ATP10D: variants seen among roughly 807,000 people sequenced by gnomAD.
ATP10D encodes phospholipid-transporting ATPase VD.
ATP10D carries 89 observed loss-of-function variants against 144.8 expected under a neutral mutation model. The observed-to-expected ratio is 0.61, with a 90% CI of 0.52 to 0.73. ATP10D has a LOEUF of 0.73. Ranked by LOEUF, ATP10D falls within the 30% of genes least tolerant of loss-of-function variation. The pLI is 0.00. For missense variants in ATP10D, 1,603 were observed against 1,714.8 expected (o/e 0.93, Z 1.15); for synonymous variants, 571 against 615.1 (o/e 0.93, Z 1.06).
rs1169829603 is a variant in ATP10D, at chr4:47,593,432, A to G, written c.*2051A>G. The G allele has an allele frequency of 6.6e-6, 1 of 152,102 alleles. No individual in the cohort carries two copies. The highest frequency in any genetic ancestry group is 1.5e-5 in the Non-Finnish European group (1 of 67,984). 9.4% of individuals were successfully genotyped at this position (152,102 alleles called of 1,614,324 possible). A position where few individuals can be genotyped will look rare whatever the true frequency, so the allele number is the denominator to read the frequency against. On this transcript the variant is annotated 3_prime_UTR_variant, in exon 23 of 23. Transcript: ENST00000273859. ...ATTTCATTACTGAATGCTAAACTGT[A>G]TTTCTTTTTAAAATTTGGAAAATTT... is the stretch of plus-strand genomic sequence containing the variant.
chr4:47,557,803 C>A lies in ATP10D; in HGVS notation c.1964C>A (p.Ala655Asp). The change falls in exon 12 of 23, where the codon GCC becomes GAC. Residue 655 changes from alanine (A) to aspartate (D), a missense_variant. Transcript: ENST00000273859. ...GAGCCATCTTCTGGAGTTCCAAACG[C>A]CTTTGTGAGCAGACTCCCTCTCTTT... ...GKEPSSGVPN[A>D]FVSRLPLFSR... 6.2e-7 allele frequency: 1 copy of A among 1,614,208 alleles called. No individual in the cohort carries two copies. Among genetic ancestry groups the A allele is most frequent in the Admixed American group, 1.7e-5 (1 of 60,020 alleles).
At position 47,536,963 on chromosome 4, in the gene ATP10D, C is replaced by A. The variant is rs139561442; in HGVS notation, c.1396+25C>A. ...GGTGAGTGTTGGATTTCCGTGAAAACCAACCTTAGCATTGGTCTTTTTTTG... is the reference window on the plus strand; with the variant it reads ...GGTGAGTGTTGGATTTCCGTGAAAAACAACCTTAGCATTGGTCTTTTTTTG... On this transcript the variant is annotated intron_variant, in intron 9 of 22. Coordinates refer to ENST00000273859, the MANE Select transcript of ATP10D (RefSeq NM_020453.4). 5.1e-6 allele frequency: 8 copies of A among 1,584,000 alleles called. No individual in the cohort carries two copies. The African/African-American group carries it at 9.5e-5, about 19-fold the overall frequency.
At chr4:47,545,654 CGTTAA>C (rs1718376754) in intron 9 of ATP10D, among the ~76,000 whole-genome samples, 1 of 152,162 alleles carries the variant, frequency 6.6e-6, no homozygotes, top group Non-Finnish European at 1.5e-5. Flanking sequence ...CTGTGTAAGT[CGTTAA>C]GTTTGATTTA....
chr4:47,572,023 A>G (rs1367281694), intron 16 of ATP10D, 131 bp from the exon 17 acceptor site: 12 of 815,976 alleles, frequency 1.5e-5, no homozygotes, highest in South Asian at 3.4e-5. Flanking sequence ...ACTTACTTCC[A>G]GGAAACTTGG....
At chr4:47,505,317 T>A (rs1560412824) in intron 1 of ATP10D, among the ~76,000 whole-genome samples, 1 of 152,192 alleles carries the variant, frequency 6.6e-6, no homozygotes, top group Non-Finnish European at 1.5e-5. Flanking sequence ...CATAGAGTAG[T>A]GATTCTCAGG....
intron 1 of ATP10D, among the ~76,000 whole-genome samples, chr4:47,504,712 G>A (rs1374211123): frequency 5.9e-5 from 9 of 152,102 alleles, no homozygotes; most frequent in East Asian, 1.9e-4. Flanking sequence ...ACAGGCGCCC[G>A]CCACCACGCC....
At chr4:47,575,117 G>A (rs1047985827) in intron 18 of ATP10D, among the ~76,000 whole-genome samples, 12 of 152,156 alleles carry the variant, frequency 7.9e-5, no homozygotes, top group African/African-American at 2.4e-4. Context: ...GCATCCGGCC[G>A]ATGATGACCA....
intron 10 of ATP10D, chr4:47,547,336 C>A (rs1718494402): frequency 6.1e-6 from 1 of 162,894 alleles, no homozygotes. Context: ...ATTCCTGGCT[C>A]CAGAAGGTCA....
At chr4:47,573,832 C>T (rs985957847) in intron 18 of ATP10D, among the ~76,000 whole-genome samples, 1 of 151,894 alleles carries the variant, frequency 6.6e-6, no homozygotes, top group Non-Finnish European at 1.5e-5. Context: ...TAGGAGATCC[C>T]AAATGTGTAA....
At chr4:47,497,436 C>T (rs1203179134) in intron 1 of ATP10D, among the ~76,000 whole-genome samples, 8 of 151,676 alleles carry the variant, frequency 5.3e-5, no homozygotes, top group African/African-American at 1.7e-4. Flanking sequence ...GCCTGGACAA[C>T]AAGAGCGAAA....
intron 21 of ATP10D, chr4:47,582,984 A>C (rs1445011099): frequency 6.6e-6 from 1 of 152,240 alleles, no homozygotes; most frequent in African/African-American, 2.4e-5. Flanking sequence ...CTCTAAAAAA[A>C]ATAACAAAAC....
chr4:47,559,097 CA>C (rs202068273), intron 13 of ATP10D, 68 bp downstream of exon 13: 12,773 of 1,215,778 alleles, frequency 0.011, 72 homozygotes, highest in Non-Finnish European at 0.013. Context: ...GACTGAAAAC[CA>C]GCGTGTAGCA....
chr4:47,565,453 T>C (rs1443588417), intron 15 of ATP10D, among the ~76,000 whole-genome samples: 1 of 152,122 alleles, frequency 6.6e-6, no homozygotes, highest in East Asian at 1.9e-4. Context: ...ACCAAAAGAA[T>C]GTAGCCTAGG....
At position 47,535,420 on chromosome 4, in the gene ATP10D, A is replaced by C. The variant is rs1717790742; in HGVS notation, c.777-89A>C. On this transcript the variant is annotated intron_variant, in intron 5 of 22. Transcript: ENST00000273859. ...TCTTGTGAAATGCCTTTTTACTCCA[A>C]GTCAAAAACATTCAAGGGCCATGAG... 9 of 1,016,076 alleles carry C rather than the reference A, an allele frequency of 8.9e-6. No homozygotes were observed. In the South Asian group the frequency reaches 1.2e-4, roughly 14 times the overall value. The allele number at this position is 1,016,076 out of a possible 1,614,324, so 62.9% of individuals were successfully genotyped here. A position where few individuals can be genotyped will look rare whatever the true frequency, so the allele number is the denominator to read the frequency against.
At position 47,525,407 on chromosome 4, in the gene ATP10D, T is replaced by C. The variant is rs183264099; in HGVS notation, c.691-150T>C. ...CAAATATGGATCACATGATTATGCC[T>C]CTACTTTCCTTCCTTTGGGAAATTC... On this transcript the variant is annotated intron_variant, in intron 4 of 22. Coordinates refer to ENST00000273859, the MANE Select transcript of ATP10D (RefSeq NM_020453.4). The C allele has an allele frequency of 5.2e-4, 322 of 614,110 alleles. No individual in the cohort carries two copies. In the African/African-American group the frequency reaches 5.6e-3, roughly 11 times the overall value. The allele number at this position is 614,110 out of a possible 1,614,324, so 38.0% of individuals were successfully genotyped here.
At chr4:47,580,315 A>G (rs1720445914) in intron 19 of ATP10D, 83 bp from the exon 20 acceptor site, 4 of 1,109,386 alleles carry the variant, frequency 3.6e-6, no homozygotes, top group Non-Finnish European at 2.7e-6. Context: ...TCAGAGAAAC[A>G]AATGTAAGTA....
At chr4:47,494,224 T>G (rs1449992472) in intron 1 of ATP10D, among the ~76,000 whole-genome samples, 1 of 152,062 alleles carries the variant, frequency 6.6e-6, no homozygotes, top group Non-Finnish European at 1.5e-5. Flanking sequence ...TAAGACTTTT[T>G]CCCCCCGGTT....
chr4:47,581,925 A>G (rs1720539804), intron 20 of ATP10D, 35 bp from the exon 21 acceptor site: 1 of 1,560,224 alleles, frequency 6.4e-7, no homozygotes, highest in Non-Finnish European at 8.8e-7. Context: ...AAGTTGCACA[A>G]CTCTCCAGGA....
Position 47,553,461 on chromosome 4 carries a change from C to T in ATP10D, c.1636-1265C>T, listed in dbSNP as rs567840488. Among the ~76,000 whole-genome samples, 3 of 152,254 alleles carry T rather than the reference C, an allele frequency of 2.0e-5. No individual in the cohort carries two copies. The South Asian group carries it at 6.2e-4, about 32-fold the overall frequency. ...CAGGTAACTTGGTGAGTCTGGAAGC[C>T]AGGTGAGACTGCTAACCTGTCTGAA... On this transcript the variant is annotated intron_variant, in intron 10 of 22. Transcript: ENST00000273859.
Sources: allele counts gnomAD v4.1 joint callset (sites outside exome capture counted in the v4.1 genomes callset), GRCh38; gene constraint gnomAD v4.1.1; transcripts MANE v1.5; gene names NCBI Gene and HGNC (gene_info 2026-07-23, HGNC 2026-07-21).